The following CNTN6 variants were observed in gnomAD, a reference collection of about 807,000 sequenced individuals.
The protein encoded by CNTN6 is contactin-6.
Under a neutral mutation model 122.8 loss-of-function variants are expected in CNTN6, and 137 were observed. The observed-to-expected ratio is 1.12, with a 90% confidence interval of 0.97 to 1.29. The LOEUF (loss-of-function observed/expected upper bound fraction) is 1.29, where lower values mean the gene tolerates loss of function less well. CNTN6 is among the 50% of genes most tolerant of loss of function. CNTN6 has a pLI of 0.00. For synonymous variants in CNTN6, 570 were observed against 426.0 expected, an observed-to-expected ratio of 1.34 and a Z score of -4.16; for missense variants, 1,634 against 1,223.4, an observed-to-expected ratio of 1.34 and a Z score of -5.01.
intron 2 of CNTN6, among the ~76,000 whole-genome samples, chr3:1,179,756 T>G (rs1280102318): frequency 1.3e-5 from 2 of 152,148 alleles, no homozygotes; most frequent in African/African-American, 4.8e-5. Context: ...ACAGTCATTT[T>G]TTTGTGTGTG....
At chr3:1,194,685 A>G (rs1419528828) in intron 2 of CNTN6, among the ~76,000 whole-genome samples, 2 of 151,962 alleles carry the variant, frequency 1.3e-5, no homozygotes, top group African/African-American at 2.4e-5. Flanking sequence ...TTATCTGTAT[A>G]TATCTGTTTA....
At chr3:1,126,805 A>C (rs529340195) in intron 1 of CNTN6, among the ~76,000 whole-genome samples, 1 of 151,966 alleles carries the variant, frequency 6.6e-6, no homozygotes, top group South Asian at 2.1e-4. Flanking sequence ...TGTCCCTTCA[A>C]CGTGATTCTT....
chr3:1,231,409 T>G (rs940331620), intron 4 of CNTN6, among the ~76,000 whole-genome samples: 1 of 152,236 alleles, frequency 6.6e-6, no homozygotes, highest in East Asian at 1.9e-4. Context: ...CCTTTCAGAA[T>G]CTACCCTGTC....
intron 11 of CNTN6, among the ~76,000 whole-genome samples, chr3:1,338,060 T>C (rs929630077): frequency 6.6e-6 from 1 of 152,112 alleles, no homozygotes; most frequent in African/African-American, 2.4e-5. Flanking sequence ...ATGTACGCTG[T>C]TTTACCCTGC....
chr3:1,338,608 T>C (rs1703438365), intron 11 of CNTN6, among the ~76,000 whole-genome samples: 1 of 152,168 alleles, frequency 6.6e-6, no homozygotes, highest in South Asian at 2.1e-4. Flanking sequence ...AGTTCTCCCC[T>C]TTTTGAAAAT....
chr3:1,098,727 A>G (rs1559305252), intron 1 of CNTN6, among the ~76,000 whole-genome samples: 1 of 146,334 alleles, frequency 6.8e-6, no homozygotes, highest in Non-Finnish European at 1.5e-5. Context: ...TAGGTGTTAC[A>G]TAAGTCTTTG....
chr3:1,096,218 C>G (rs1476978522), intron 1 of CNTN6, among the ~76,000 whole-genome samples: 1 of 151,718 alleles, frequency 6.6e-6, no homozygotes, highest in Non-Finnish European at 1.5e-5. Flanking sequence ...ATGTGACTTG[C>G]TTTTTTTCTG....
chr3:1,373,398 C>T (rs987410560), intron 14 of CNTN6, among the ~76,000 whole-genome samples: 1 of 152,062 alleles, frequency 6.6e-6, no homozygotes, highest in Non-Finnish European at 1.5e-5. Flanking sequence ...CTGATATTTT[C>T]TAATCTCCAG....
At chr3:1,259,845 A>G (rs2094816027) in intron 4 of CNTN6, among the ~76,000 whole-genome samples, 1 of 152,054 alleles carries the variant, frequency 6.6e-6, no homozygotes, top group Non-Finnish European at 1.5e-5. Context: ...AGTATACTAT[A>G]TGTAATTATA....
intron 2 of CNTN6, among the ~76,000 whole-genome samples, chr3:1,167,233 CCTCT>C (rs1328588941): frequency 1.3e-5 from 2 of 152,186 alleles, no homozygotes; most frequent in South Asian, 4.2e-4. Context: ...CTACTGAACC[CCTCT>C]CTGTCTTACA....
intron 2 of CNTN6, among the ~76,000 whole-genome samples, chr3:1,165,621 A>T (rs890423832): frequency 1.3e-5 from 2 of 152,146 alleles, no homozygotes; most frequent in African/African-American, 4.8e-5. Flanking sequence ...TAATAATCAC[A>T]ACAGCTACCT....
intron 2 of CNTN6, among the ~76,000 whole-genome samples, chr3:1,201,942 T>C (rs2093878103): frequency 6.6e-6 from 1 of 152,202 alleles, no homozygotes; most frequent in Non-Finnish European, 1.5e-5. Context: ...CTTAACAGAA[T>C]TATTTTGTAA....
chr3:1,167,445 A>T lies in CNTN6; in HGVS notation c.55+19382A>T, dbSNP rs1163136936. ...TATCTTTTTACTCTGTCTCCGAAGT[A>T]CCTAACATGGCTTTGGTAAATATCT... On this transcript the variant is annotated intron_variant, in intron 2 of 22. Coordinates refer to ENST00000446702, the MANE Select transcript of CNTN6 (RefSeq NM_001289080.2). Among the ~76,000 whole-genome samples the T allele has an allele frequency of 2.6e-5, 4 of 152,300 alleles. No individual in the cohort carries two copies. The East Asian group carries it at 7.7e-4, about 29-fold the overall frequency.
At chr3:1,313,991 C>G (rs919108809) in intron 7 of CNTN6, among the ~76,000 whole-genome samples, 1 of 152,086 alleles carries the variant, frequency 6.6e-6, no homozygotes, top group Non-Finnish European at 1.5e-5. Context: ...CCTCCTAATA[C>G]TATCACCTTA....
chr3:1,213,866 G>A (rs1310623174), intron 2 of CNTN6, among the ~76,000 whole-genome samples: 2 of 151,958 alleles, frequency 1.3e-5, no homozygotes, highest in African/African-American at 4.8e-5. Context: ...AAGATACAAT[G>A]AATGATACAA....
chr3:1,126,805 A>T (rs529340195), intron 1 of CNTN6, among the ~76,000 whole-genome samples: 5 of 151,848 alleles, frequency 3.3e-5, no homozygotes, highest in Admixed American at 6.6e-5. Flanking sequence ...TGTCCCTTCA[A>T]CGTGATTCTT....
At chr3:1,366,827 C>T (rs1315016408) in intron 12 of CNTN6, among the ~76,000 whole-genome samples, 5 of 152,102 alleles carry the variant, frequency 3.3e-5, no homozygotes, top group African/African-American at 9.7e-5. Flanking sequence ...CCAAGCACCT[C>T]TTCACCCACA....
At chr3:1,255,442 A>C (rs1454656078) in intron 4 of CNTN6, among the ~76,000 whole-genome samples, 1 of 150,360 alleles carries the variant, frequency 6.7e-6, no homozygotes, top group African/African-American at 2.5e-5. Flanking sequence ...AGAAAGAAAG[A>C]AAGAAAGGAA....
chr3:1,318,758 G>A (rs1364385627), intron 7 of CNTN6, among the ~76,000 whole-genome samples: 1 of 151,704 alleles, frequency 6.6e-6, no homozygotes, highest in Non-Finnish European at 1.5e-5. Context: ...TCATTTATTG[G>A]TTAATGGCTG....
Sources: allele counts gnomAD v4.1 joint callset (sites outside exome capture counted in the v4.1 genomes callset), GRCh38; gene constraint gnomAD v4.1.1; transcripts MANE v1.5; gene names NCBI Gene and HGNC (gene_info 2026-07-23, HGNC 2026-07-21).